The following LRRC20 variants were observed in gnomAD, a reference collection of about 807,000 sequenced individuals.
LRRC20 encodes leucine-rich repeat-containing protein 20.
LRRC20 carries 11 observed loss-of-function variants against 14.4 expected under a neutral mutation model. The ratio of observed to expected loss-of-function variants is 0.77; its 90% CI spans 0.48 to 1.27. The LOEUF (loss-of-function observed/expected upper bound fraction) is 1.27, where lower values mean the gene tolerates loss of function less well. Ranked by LOEUF, LRRC20 falls within the 50% of genes most tolerant of loss-of-function variation. LRRC20 has a pLI of 0.00. For missense variants in LRRC20, 219 were observed against 251.2 expected (o/e 0.87, Z 0.87); for synonymous variants, 121 against 107.3 (o/e 1.13, Z -0.79).
At chr10:70,317,002 G>A (rs1162920009) in intron 4 of LRRC20, among the ~76,000 whole-genome samples, 3 of 152,258 alleles carry the variant, frequency 2.0e-5, no homozygotes, top group Non-Finnish European at 4.4e-5. Context: ...CAGGGCAAGG[G>A]TCAGACTCTG....
At chr10:70,315,120 A>G (rs1841807571) in intron 4 of LRRC20, among the ~76,000 whole-genome samples, 1 of 152,228 alleles carries the variant, frequency 6.6e-6, no homozygotes, top group Admixed American at 6.5e-5. Flanking sequence ...CATGAGGATT[A>G]AACAAGAGCA....
intron 2 of LRRC20, among the ~76,000 whole-genome samples, chr10:70,350,017 C>G (rs954910106): frequency 6.6e-6 from 1 of 152,218 alleles, no homozygotes; most frequent in Non-Finnish European, 1.5e-5. Flanking sequence ...GACTGTCACC[C>G]CTCTGGGACT....
intron 2 of LRRC20, among the ~76,000 whole-genome samples, chr10:70,343,911 T>G (rs1842994785): frequency 6.6e-6 from 1 of 152,204 alleles, no homozygotes; most frequent in Non-Finnish European, 1.5e-5. Flanking sequence ...ATGAAAGTTC[T>G]TGCCAGGCCG....
intron 2 of LRRC20, among the ~76,000 whole-genome samples, chr10:70,365,498 A>T (rs1434640406): frequency 6.6e-6 from 1 of 152,230 alleles, no homozygotes; most frequent in Non-Finnish European, 1.5e-5. Flanking sequence ...AGTATCATGT[A>T]TAAAAGATAA....
At chr10:70,349,533 G>A (rs1031792789) in intron 2 of LRRC20, among the ~76,000 whole-genome samples, 11 of 152,136 alleles carry the variant, frequency 7.2e-5, no homozygotes, top group African/African-American at 2.4e-5. Context: ...AGCAGAGATC[G>A]TGCCACTGCA....
At chr10:70,318,534 G>A (rs923930937) in intron 4 of LRRC20, among the ~76,000 whole-genome samples, 15 of 152,090 alleles carry the variant, frequency 9.9e-5, no homozygotes, top group African/African-American at 3.1e-4. Context: ...CGGGCAGATC[G>A]CTTGAGCTTA....
At chr10:70,318,124 G>A (rs180850117) in intron 4 of LRRC20, among the ~76,000 whole-genome samples, 7 of 152,274 alleles carry the variant, frequency 4.6e-5, no homozygotes, top group South Asian at 2.1e-4. Flanking sequence ...ACAGCCTTCC[G>A]GAATGCCCAT....
At chr10:70,334,195 T>C (rs1172877711) in intron 3 of LRRC20, among the ~76,000 whole-genome samples, 1 of 151,804 alleles carries the variant, frequency 6.6e-6, no homozygotes, top group African/African-American at 2.4e-5. Context: ...TAGATCTGCC[T>C]GATCCCATGC....
intron 4 of LRRC20, among the ~76,000 whole-genome samples, chr10:70,320,784 C>T (rs1842048790): frequency 6.6e-6 from 1 of 152,192 alleles, no homozygotes; most frequent in Non-Finnish European, 1.5e-5. Flanking sequence ...GGTCAGGTAC[C>T]ACCTCCCAGT....
chr10:70,323,408 C>A (rs367724614), intron 4 of LRRC20, among the ~76,000 whole-genome samples: 1 of 152,106 alleles, frequency 6.6e-6, no homozygotes, highest in Non-Finnish European at 1.5e-5. Flanking sequence ...CAGGGAGCAG[C>A]GTGTTTGTTC....
intron 2 of LRRC20, among the ~76,000 whole-genome samples, chr10:70,355,065 C>T (rs1287056095): frequency 6.6e-6 from 1 of 152,162 alleles, no homozygotes; most frequent in Non-Finnish European, 1.5e-5. Flanking sequence ...TTCAGACAGC[C>T]CTCTGTCAAA....
At chr10:70,376,720 G>T in intron 1 of LRRC20, 124 bp from the exon 2 acceptor site, 1 of 600,282 alleles carries the variant, frequency 1.7e-6, no homozygotes, top group South Asian at 2.0e-5. Context: ...AGGGCCCCAG[G>T]CCACTCACCT....
intron 2 of LRRC20, among the ~76,000 whole-genome samples, chr10:70,362,669 C>T (rs1000649204): frequency 3.9e-5 from 6 of 152,238 alleles, no homozygotes; most frequent in Non-Finnish European, 7.3e-5. Flanking sequence ...AGAGCTGACT[C>T]CACCCAGTGC....
intron 2 of LRRC20, among the ~76,000 whole-genome samples, chr10:70,343,483 C>T (rs1399564458): frequency 2.0e-5 from 3 of 152,222 alleles, no homozygotes; most frequent in Non-Finnish European, 2.9e-5. Flanking sequence ...CCCAGCCCTG[C>T]GGCTGCCCAG....
intron 2 of LRRC20, among the ~76,000 whole-genome samples, chr10:70,347,509 C>G (rs959044726): frequency 6.6e-6 from 1 of 152,150 alleles, no homozygotes; most frequent in African/African-American, 2.4e-5. Flanking sequence ...ACCCACCCTT[C>G]CAGTCTCTGA....
chr10:70,360,079 C>A (rs190352695), intron 2 of LRRC20, among the ~76,000 whole-genome samples: 1 of 152,072 alleles, frequency 6.6e-6, no homozygotes, highest in Admixed American at 6.5e-5. Flanking sequence ...CCACACCCGG[C>A]TAATTTTTGT....
intron 4 of LRRC20, among the ~76,000 whole-genome samples, chr10:70,319,732 C>T (rs1052654375): frequency 1.3e-5 from 2 of 152,350 alleles, no homozygotes; most frequent in African/African-American, 2.4e-5. Context: ...TACTTTAAAA[C>T]TTCCATACAC....
intron 2 of LRRC20, among the ~76,000 whole-genome samples, chr10:70,364,831 C>A (rs1042448033): frequency 1.3e-5 from 2 of 152,182 alleles, no homozygotes; most frequent in African/African-American, 4.8e-5. Flanking sequence ...CAGGTCCCTC[C>A]CCAGGAGCAC....
chr10:70,371,335 G>A (rs754299257), intron 2 of LRRC20, among the ~76,000 whole-genome samples: 6 of 151,438 alleles, frequency 4.0e-5, no homozygotes, highest in Admixed American at 2.6e-4. Flanking sequence ...GTAGAGACAG[G>A]GTCTCTACCA....
Sources: allele counts gnomAD v4.1 joint callset (sites outside exome capture counted in the v4.1 genomes callset), GRCh38; gene constraint gnomAD v4.1.1; transcripts MANE v1.5; gene names NCBI Gene and HGNC (gene_info 2026-07-23, HGNC 2026-07-21).